The following LUZP4 variants were observed in gnomAD, a reference collection of about 807,000 sequenced individuals.
LUZP4 encodes leucine zipper protein 4, also known as HOM-TES-85 tumor antigen.
A neutral mutation model predicts 8.5 loss-of-function variants in LUZP4; 11 were observed. The observed-to-expected ratio is 1.30, with a 90% CI of 0.82 to 2.14. The LOEUF (loss-of-function observed/expected upper bound fraction) is 2.14. LUZP4 is among the 30% of genes most tolerant of loss of function. The probability of loss-of-function intolerance (pLI) is 0.00; values close to 1 mark genes in which losing one functional copy is unlikely to be tolerated. For missense variants in LUZP4, 276 were observed against 229.7 expected, an observed-to-expected ratio of 1.20 and a Z score of -1.30; for synonymous variants, 104 against 79.4, an observed-to-expected ratio of 1.31 and a Z score of -1.65.
intron 3 of LUZP4, among the ~76,000 whole-genome samples, chrX:115,304,915 A>G (rs2073413680): frequency 1.8e-5 from 2 of 112,071 alleles, no homozygotes; most frequent in African/African-American, 6.5e-5. Context: ...CTAGTTTCGT[A>G]CTTAACAAGA....
chrX:115,305,450 G>A (rs2073415968), intron 3 of LUZP4, among the ~76,000 whole-genome samples: 1 of 112,232 alleles, frequency 8.9e-6, no homozygotes. Flanking sequence ...AAGTCATAAT[G>A]CCAAATTGAG....
At chrX:115,299,569 A>ACTG (rs1556600574) in intron 1 of LUZP4, among the ~76,000 whole-genome samples, 2 of 110,834 alleles carry the variant, frequency 1.8e-5, no homozygotes, top group African/African-American at 6.6e-5. Flanking sequence ...CCCCATAGCC[A>ACTG]GTCATCCTAG....
chrX:115,301,131 G>C lies in LUZP4; in HGVS notation c.92-861G>C, dbSNP rs1309576498. Among the ~76,000 whole-genome samples, 5 of 110,765 alleles carry C rather than the reference G, an allele frequency of 4.5e-5. No individual in the cohort carries two copies. The East Asian group carries it at 8.5e-4, about 19-fold the overall frequency. On this transcript the variant is annotated intron_variant, in intron 1 of 3. Coordinates refer to ENST00000371920, the MANE Select transcript of LUZP4 (RefSeq NM_016383.5). ...CCTTTTCAGCTCTTCTTTTCTTTTA[G>C]AATCTCCAGTTTTTTCCAAATACCT... is the stretch of plus-strand genomic sequence containing the variant.
Position 115,306,554 on chromosome X carries a change from G to C in LUZP4, c.692G>C (p.Arg231Thr). The change falls in exon 4 of 4, where the codon AGA (arginine) becomes ACA (threonine). Residue 231 changes from arginine (R) to threonine (T), a missense_variant. By Grantham distance (71) the Arg-to-Thr change is moderately conservative (BLOSUM62 -1). Transcript: ENST00000371920. ...HSERSHGHSK[R>T]SRSQGDLVDT... ...GAGAGATCTCATGGTCACTCAAAGA[G>C]ATCTCGTAGCCAGGGAGATCTTGTG... is the stretch of plus-strand genomic sequence containing the variant. 1 of 1,209,412 alleles carries C rather than the reference G, an allele frequency of 8.3e-7. No homozygotes were observed. Among genetic ancestry groups the C allele is most frequent in the Admixed American group, 2.2e-5 (1 of 45,854 alleles).
chrX:115,292,526 T>G, intron 1 of LUZP4, among the ~76,000 whole-genome samples: 1 of 111,043 alleles, frequency 9.0e-6, no homozygotes, highest in Non-Finnish European at 1.9e-5. Flanking sequence ...TCCGTGTGTG[T>G]GTGTGTATCT....
At chrX:115,300,892 T>C (rs782647944) in intron 1 of LUZP4, among the ~76,000 whole-genome samples, 1 of 111,252 alleles carries the variant, frequency 9.0e-6, no homozygotes, top group Non-Finnish European at 1.9e-5. Context: ...CTATGAGTGC[T>C]CACATGATTT....
chrX:115,305,291 G>A (rs1845516136), intron 3 of LUZP4, among the ~76,000 whole-genome samples: 1 of 112,180 alleles, frequency 8.9e-6, no homozygotes, highest in African/African-American at 3.2e-5. Flanking sequence ...ACAAAAGCTG[G>A]AGAGTGGCTA....
intron 1 of LUZP4, among the ~76,000 whole-genome samples, chrX:115,296,343 T>C (rs1226662796): frequency 9.0e-6 from 1 of 111,534 alleles, no homozygotes; most frequent in Non-Finnish European, 1.9e-5. Flanking sequence ...TGAGAGTAAG[T>C]ATATCAAGAA....
intron 1 of LUZP4, among the ~76,000 whole-genome samples, chrX:115,297,934 C>T (rs1283947448): frequency 1.8e-5 from 2 of 108,999 alleles, no homozygotes; most frequent in African/African-American, 6.7e-5. Context: ...CTGCCTCAGC[C>T]TCCTGAGTAA....
At chrX:115,301,114 G>C (rs781877270) in intron 1 of LUZP4, among the ~76,000 whole-genome samples, 1 of 110,925 alleles carries the variant, frequency 9.0e-6, no homozygotes, top group African/African-American at 3.3e-5. Context: ...ACCCTTTTCA[G>C]CTCTTCTTTT....
chrX:115,291,755 C>G (rs1216283470), intron 1 of LUZP4, among the ~76,000 whole-genome samples: 2 of 110,246 alleles, frequency 1.8e-5, no homozygotes, highest in Non-Finnish European at 3.8e-5. Context: ...AACCCCATCT[C>G]TACTAAAAAT....
rs2073406086 is a variant in LUZP4 at position 115,303,336 on chromosome X, A to C, written c.260A>C (p.Asn87Thr). 1 of 1,199,317 alleles carries C rather than the reference A, an allele frequency of 8.3e-7. No homozygotes were observed. The change falls in exon 3 of 4, where the codon AAT (asparagine) becomes ACT (threonine). Residue 87 changes from asparagine to threonine, a missense_variant. Coordinates refer to ENST00000371920, the MANE Select transcript of LUZP4 (RefSeq NM_016383.5). ...TGCAGAAGCAACTCTGAGGAAGGAA[A>C]TCATGATAAAAAACCATCCCAAAAA... Reference protein sequence around the residue: ...SRCRSNSEEGNHDKKPSQKPS... With the variant: ...SRCRSNSEEGTHDKKPSQKPS...
rs2073420056 is a variant in LUZP4, at chrX:115,306,328, A to C, written c.466A>C (p.Asn156His). 2 of 1,209,380 alleles carry C rather than the reference A, an allele frequency of 1.7e-6. No homozygotes were observed. The highest frequency in any genetic ancestry group is 2.2e-6 in the Non-Finnish European group (2 of 895,196). Reference protein sequence around the residue: ...SEESQGQPEENHHSERSRNHL... With the variant: ...SEESQGQPEEHHHSERSRNHL... ...AGAATCCCAGGGCCAACCAGAAGAA[A>C]ATCATCATTCTGAGCGATCCCGAAA... The change falls in exon 4 of 4, where the codon AAT (asparagine) becomes CAT (histidine). Residue 156 changes from asparagine to histidine, a missense_variant. Physicochemically the swap from Asn to His is moderately conservative, Grantham distance 68 (BLOSUM62 1). Transcript: ENST00000371920.
intron 3 of LUZP4, among the ~76,000 whole-genome samples, chrX:115,305,417 G>A (rs782169688): frequency 8.9e-6 from 1 of 112,261 alleles, no homozygotes; most frequent in Non-Finnish European, 1.9e-5. Context: ...GTTGCTTCCA[G>A]CTTCTGGTAG....
Position 115,289,721 on chromosome X carries a change from G to A in LUZP4, c.-39G>A. On this transcript the variant is annotated 5_prime_UTR_variant, in exon 1 of 4. Coordinates refer to ENST00000371920, the MANE Select transcript of LUZP4 (RefSeq NM_016383.5). ...TGCGCGGTGAGGGGGTGGTACACGCGCCCTACCTCGGAGTGTGTGGCGCCA... is the reference window on the plus strand; with the variant it reads ...TGCGCGGTGAGGGGGTGGTACACGCACCCTACCTCGGAGTGTGTGGCGCCA... The A allele has an allele frequency of 4.8e-6, 5 of 1,039,974 alleles. No homozygotes were observed. Among genetic ancestry groups the A allele is most frequent in the Non-Finnish European group, 6.7e-6 (5 of 741,177 alleles). The allele number at this position is 1,039,974 out of a possible 1,213,427, so 85.7% of individuals were successfully genotyped here.
intron 3 of LUZP4, among the ~76,000 whole-genome samples, chrX:115,304,552 C>T (rs1439919571): frequency 9.0e-6 from 1 of 111,120 alleles, no homozygotes; most frequent in African/African-American, 3.3e-5. Context: ...CATTCTGTTG[C>T]GCAGGCTGGA....
chrX:115,291,717 T>C, intron 1 of LUZP4, among the ~76,000 whole-genome samples: 1 of 108,351 alleles, frequency 9.2e-6, no homozygotes, highest in East Asian at 3.0e-4. Flanking sequence ...AGGCCAGGAG[T>C]TCGAGACCAG....
intron 1 of LUZP4, among the ~76,000 whole-genome samples, chrX:115,293,435 G>A (rs374513322): frequency 9.2e-6 from 1 of 109,023 alleles, no homozygotes; most frequent in African/African-American, 3.4e-5. Flanking sequence ...GTGCCACCAC[G>A]CCCAGCTAAT....
intron 1 of LUZP4, among the ~76,000 whole-genome samples, chrX:115,301,439 T>C (rs1240496770): frequency 8.9e-6 from 1 of 112,274 alleles, no homozygotes; most frequent in Non-Finnish European, 1.9e-5. Flanking sequence ...TTCCTGCTAC[T>C]ACAATAATCT....
Sources: allele counts gnomAD v4.1 joint callset (sites outside exome capture counted in the v4.1 genomes callset), GRCh38; gene constraint gnomAD v4.1.1; transcripts MANE v1.5; gene names NCBI Gene and HGNC (gene_info 2026-07-23, HGNC 2026-07-21).